CNTN1: variants seen among roughly 807,000 people sequenced by gnomAD.
CNTN1 encodes contactin-1.
A neutral mutation model predicts 126.4 loss-of-function variants in CNTN1; 38 were observed. That is an observed-to-expected ratio of 0.30 (90% CI 0.23 to 0.39). The LOEUF is 0.39. CNTN1 is among the 10% of genes least tolerant of loss of function. CNTN1 has a pLI of 1.00. For synonymous variants in CNTN1, 413 were observed against 422.6 expected, an observed-to-expected ratio of 0.98 and a Z score of 0.28; for missense variants, 1,009 against 1,248.4, an observed-to-expected ratio of 0.81 and a Z score of 2.89.
At chr12:40,982,816 G>A (rs1280733189) in intron 16 of CNTN1, among the ~76,000 whole-genome samples, 1 of 152,000 alleles carries the variant, frequency 6.6e-6, no homozygotes, top group African/African-American at 2.4e-5. Context: ...CAACAGAAAA[G>A]AGGAATGGGG....
chr12:41,028,672 G>A (rs1423202828), intron 22 of CNTN1, among the ~76,000 whole-genome samples: 1 of 151,928 alleles, frequency 6.6e-6, no homozygotes, highest in Non-Finnish European at 1.5e-5. Context: ...ATTTTTCACT[G>A]GATACCAAAT....
chr12:40,714,901 G>A (rs11178017), intron 1 of CNTN1, among the ~76,000 whole-genome samples: 27,435 of 151,958 alleles, frequency 0.18, 2,691 homozygotes, highest in Middle Eastern at 0.26. Flanking sequence ...TTAAAAAAGA[G>A]GTAAATATTG....
chr12:40,785,125 T>G (rs1407142340), intron 1 of CNTN1, among the ~76,000 whole-genome samples: 1 of 152,150 alleles, frequency 6.6e-6, no homozygotes, highest in Non-Finnish European at 1.5e-5. Context: ...ATTGGAAGTA[T>G]CAGACACAGA....
chr12:41,019,286 GCTT>G (rs1248599084), intron 19 of CNTN1, among the ~76,000 whole-genome samples: 2 of 152,120 alleles, frequency 1.3e-5, no homozygotes, highest in Non-Finnish European at 2.9e-5. Context: ...CCTTTTTACT[GCTT>G]TACTTGATGC....
intron 1 of CNTN1, among the ~76,000 whole-genome samples, chr12:40,857,636 G>C (rs1177884318): frequency 1.3e-5 from 2 of 152,128 alleles, no homozygotes; most frequent in Non-Finnish European, 2.9e-5. Flanking sequence ...GAACCTTGAT[G>C]CCTTCCAGCA....
intron 1 of CNTN1, among the ~76,000 whole-genome samples, chr12:40,891,382 A>C (rs942158117): frequency 2.6e-5 from 4 of 152,070 alleles, no homozygotes; most frequent in African/African-American, 9.7e-5. Flanking sequence ...CCTGCTTTGC[A>C]ATTCTGGTTT....
intron 17 of CNTN1, among the ~76,000 whole-genome samples, chr12:41,007,489 C>A (rs959114930): frequency 1.3e-5 from 2 of 152,074 alleles, no homozygotes; most frequent in African/African-American, 2.4e-5. Flanking sequence ...TGGACTCACA[C>A]GAGGAGTTTA....
chr12:40,958,965 T>C, intron 14 of CNTN1, 149 bp from the exon 15 acceptor site: 1 of 865,986 alleles, frequency 1.2e-6, no homozygotes. Flanking sequence ...AACTGAAGCC[T>C]AGAGCAAGGA....
chr12:40,840,131 G>A (rs1239292762), intron 1 of CNTN1, among the ~76,000 whole-genome samples: 2 of 151,900 alleles, frequency 1.3e-5, no homozygotes, highest in African/African-American at 4.8e-5. Flanking sequence ...CATATAGACT[G>A]AAAGTAAAGG....
At chr12:40,901,552 A>G (rs1293366100) in intron 1 of CNTN1, among the ~76,000 whole-genome samples, 1 of 152,152 alleles carries the variant, frequency 6.6e-6, no homozygotes, top group Non-Finnish European at 1.5e-5. Context: ...GGAATGTTTG[A>G]TACTCTGGGG....
intron 1 of CNTN1, among the ~76,000 whole-genome samples, chr12:40,785,647 T>A (rs1418312405): frequency 6.6e-6 from 1 of 151,968 alleles, no homozygotes; most frequent in Non-Finnish European, 1.5e-5. Context: ...AGAACCTTCT[T>A]AAGGGTGGGG....
chr12:40,918,562 A>AT lies in CNTN1; in HGVS notation c.95-77_95-76insT, dbSNP rs1381227806. 3.5e-4 allele frequency: 448 copies of AT among 1,262,528 alleles called. 1 individual carries two copies. Among genetic ancestry groups the AT allele is most frequent in the Non-Finnish European group, 4.1e-4 (368 of 887,746 alleles). 78.2% of individuals were successfully genotyped at this position (1,262,528 alleles called of 1,614,324 possible). A position where few individuals can be genotyped will look rare whatever the true frequency, so the allele number is the denominator to read the frequency against. On this transcript the variant is annotated intron_variant, in intron 3 of 23. Transcript: ENST00000551295. ...ATTCTGTTTCTGATTTTTTTCAAGT[A>AT]ATTTTTTTTCAATGTTCTCAAATTT...
intron 16 of CNTN1, among the ~76,000 whole-genome samples, chr12:40,986,774 G>A (rs551836080): frequency 6.2e-4 from 95 of 152,162 alleles, no homozygotes; most frequent in African/African-American, 2.1e-3. Context: ...TGGCTCTTTT[G>A]TTCTGCCCCA....
chr12:40,837,158 G>A (rs1942090190), intron 1 of CNTN1, among the ~76,000 whole-genome samples: 1 of 152,042 alleles, frequency 6.6e-6, no homozygotes, highest in Non-Finnish European at 1.5e-5. Context: ...GATTGGAGTG[G>A]GGCCTCAAGA....
intron 1 of CNTN1, among the ~76,000 whole-genome samples, chr12:40,809,263 A>G (rs1463878338): frequency 1.3e-5 from 2 of 152,230 alleles, no homozygotes. Context: ...AGGAAATTAC[A>G]GCTGCTAGTT....
At chr12:40,701,902 A>G (rs60586789) in intron 1 of CNTN1, among the ~76,000 whole-genome samples, 13 of 152,318 alleles carry the variant, frequency 8.5e-5, no homozygotes, top group African/African-American at 3.1e-4. Context: ...ATAACAAAGT[A>G]TTCATACTAT....
chr12:40,957,461 T>G (rs1946930128), intron 14 of CNTN1, among the ~76,000 whole-genome samples: 1 of 140,238 alleles, frequency 7.1e-6, no homozygotes, highest in Non-Finnish European at 1.6e-5. Context: ...TTTTTTTTTT[T>G]GATATAACCA....
intron 17 of CNTN1, among the ~76,000 whole-genome samples, chr12:40,993,485 T>C (rs944953280): frequency 7.2e-5 from 11 of 152,034 alleles, no homozygotes; most frequent in South Asian, 4.2e-4. Context: ...AGAGGAAATA[T>C]GAAGTTTAAG....
intron 14 of CNTN1, among the ~76,000 whole-genome samples, chr12:40,950,431 G>A (rs1946630593): frequency 6.6e-6 from 1 of 152,134 alleles, no homozygotes; most frequent in Non-Finnish European, 1.5e-5. Flanking sequence ...TTAAGTAGTA[G>A]AGGATGGGTT....
Sources: allele counts gnomAD v4.1 joint callset (sites outside exome capture counted in the v4.1 genomes callset), GRCh38; gene constraint gnomAD v4.1.1; transcripts MANE v1.5; gene names NCBI Gene and HGNC (gene_info 2026-07-23, HGNC 2026-07-21).